The following MEIS2 variants were observed in gnomAD, a reference collection of about 807,000 sequenced individuals.
The protein encoded by MEIS2 is homeobox protein Meis2.
In MEIS2, 9 loss-of-function variants were observed where a neutral mutation model predicts 58.6. The ratio of observed to expected loss-of-function variants is 0.15; its 90% CI spans 0.09 to 0.27. MEIS2 has a LOEUF of 0.27. Ranked by LOEUF, MEIS2 falls within the 10% of genes least tolerant of loss-of-function variation. The pLI is 1.00. For synonymous variants in MEIS2, 221 were observed against 228.4 expected, an observed-to-expected ratio of 0.97 and a Z score of 0.29; for missense variants, 427 against 635.0, an observed-to-expected ratio of 0.67 and a Z score of 3.52.
chr15:36,959,542 T>A (rs2059109750), intron 8 of MEIS2, among the ~76,000 whole-genome samples: 1 of 152,142 alleles, frequency 6.6e-6, no homozygotes, highest in African/African-American at 2.4e-5. Flanking sequence ...CAAAATACTA[T>A]TTTAAAATTA....
intron 8 of MEIS2, among the ~76,000 whole-genome samples, chr15:36,996,275 G>A (rs991850136): frequency 1.8e-4 from 28 of 151,962 alleles, no homozygotes; most frequent in Admixed American, 7.9e-4. Flanking sequence ...GTTGACAAGC[G>A]TCTCAATTCT....
chr15:36,898,290 C>G (rs1000805434), intron 9 of MEIS2: 2 of 152,200 alleles, frequency 1.3e-5, no homozygotes, highest in Non-Finnish European at 2.9e-5. Flanking sequence ...TCTACTCTTT[C>G]CCCACCACTT....
At chr15:37,035,836 C>T (rs1217094371) in intron 8 of MEIS2, among the ~76,000 whole-genome samples, 3 of 152,200 alleles carry the variant, frequency 2.0e-5, no homozygotes, top group Non-Finnish European at 4.4e-5. Flanking sequence ...GTCCTGGACC[C>T]ATGACACTGT....
chr15:37,089,446 A>AAAAC (rs968178990), intron 6 of MEIS2, among the ~76,000 whole-genome samples: 15 of 152,130 alleles, frequency 9.9e-5, no homozygotes, highest in Admixed American at 2.0e-4. Context: ...CCCATTTGAA[A>AAAAC]AAACAAACAA....
At chr15:36,995,719 A>AAAAAC (rs1555446080) in intron 8 of MEIS2, among the ~76,000 whole-genome samples, 5 of 46,554 alleles carry the variant, frequency 1.1e-4, no homozygotes, top group Non-Finnish European at 2.4e-4. Context: ...AAAAAAAAAA[A>AAAAAC]AAAAAAAAAA....
At chr15:37,049,126 A>C (rs574826519) in intron 7 of MEIS2, among the ~76,000 whole-genome samples, 2 of 152,192 alleles carry the variant, frequency 1.3e-5, no homozygotes, top group Non-Finnish European at 2.9e-5. Context: ...TGTTTTTGTA[A>C]TAGAATGCAA....
intron 7 of MEIS2, among the ~76,000 whole-genome samples, chr15:37,068,686 C>T (rs1890283860): frequency 6.6e-6 from 1 of 152,130 alleles, no homozygotes; most frequent in Non-Finnish European, 1.5e-5. Flanking sequence ...ACCATAAAAA[C>T]TAAGCAAATG....
intron 9 of MEIS2, among the ~76,000 whole-genome samples, chr15:36,931,230 A>G (rs1473750293): frequency 1.3e-5 from 2 of 152,220 alleles, no homozygotes; most frequent in Admixed American, 6.5e-5. Context: ...TATAGCAGCA[A>G]ACTCAGTATA....
chr15:36,981,397 C>T (rs898502838), intron 8 of MEIS2, among the ~76,000 whole-genome samples: 1 of 152,012 alleles, frequency 6.6e-6, no homozygotes, highest in African/African-American at 2.4e-5. Context: ...CTGGTACTTA[C>T]ACTTCCAATT....
At chr15:36,960,062 T>C (rs1015806255) in intron 8 of MEIS2, among the ~76,000 whole-genome samples, 1 of 152,150 alleles carries the variant, frequency 6.6e-6, no homozygotes, top group East Asian at 1.9e-4. Context: ...ATTAAGGAAT[T>C]ATTAAGCAAC....
chr15:36,900,947 C>T (rs2056440783), intron 9 of MEIS2: 2 of 152,222 alleles, frequency 1.3e-5, no homozygotes, highest in Admixed American at 1.3e-4. Flanking sequence ...TGGTAACCAA[C>T]TCCTTTTGGA....
intron 8 of MEIS2, among the ~76,000 whole-genome samples, chr15:36,957,597 C>G (rs1343906070): frequency 6.6e-6 from 1 of 152,212 alleles, no homozygotes; most frequent in Non-Finnish European, 1.5e-5. Flanking sequence ...CTTTCCTCCT[C>G]TCTTGTGTTT....
Position 36,892,292 on chromosome 15 carries a change from T to A in MEIS2, c.1315A>T (p.Met439Leu). Reference sequence around the variant, plus strand: ...TGGGTAGGGGGTCCTCCGTGCATCATCATGGCTGGGTGGTGGGGATGGCTT... The same window carrying A: ...TGGGTAGGGGGTCCTCCGTGCATCAACATGGCTGGGTGGTGGGGATGGCTT... ...LPSHPHHPAM[M>L]MHGGPPTHPG... Residue 439 changes from methionine (M) to leucine (L), a missense_variant, in exon 12 of 12, where the codon ATG becomes TTG. Met to Leu is a conservative substitution (Grantham distance 15). This residue lies in a region of MEIS2 where 154 missense variants were observed against 148.1 expected (regional missense o/e 1.04). Coordinates refer to ENST00000561208, the MANE Select transcript of MEIS2 (RefSeq NM_170675.5). The A allele has an allele frequency of 4.3e-6, 7 of 1,613,886 alleles. No homozygotes were observed. The highest frequency in any genetic ancestry group is 5.9e-6 in the Non-Finnish European group (7 of 1,179,942).
intron 8 of MEIS2, among the ~76,000 whole-genome samples, chr15:37,027,487 T>C (rs1294581323): frequency 6.6e-6 from 1 of 152,226 alleles, no homozygotes; most frequent in African/African-American, 2.4e-5. Context: ...TGAATGAATA[T>C]TCAGGGATTT....
At chr15:36,902,120 A>T (rs1430738630) in intron 9 of MEIS2, among the ~76,000 whole-genome samples, 2 of 152,158 alleles carry the variant, frequency 1.3e-5, no homozygotes, top group Admixed American at 6.6e-5. Flanking sequence ...TGTATGCAAG[A>T]TCCTTAGCAC....
At position 36,906,679 on chromosome 15, in the gene MEIS2, A is replaced by G. The variant is rs534112139; in HGVS notation, c.978-9993T>C. 2.8e-3 allele frequency among the ~76,000 whole-genome samples: 419 copies of G among 151,684 alleles called. 3 individuals are homozygous for G. The highest frequency in any genetic ancestry group is 0.018 in the South Asian group (88 of 4,794). On this transcript the variant is annotated intron_variant, in intron 9 of 11. Transcript: ENST00000561208. ...AAAAAAAAAAAAAAAAAACAAGGAC[A>G]AAAGAAGAGCAAAAGGTAGGGACTT... is the stretch of plus-strand genomic sequence containing the variant.
intron 9 of MEIS2, 36 bp downstream of exon 9, chr15:36,950,288 C>G (rs2058710965): frequency 6.6e-7 from 1 of 1,505,278 alleles, no homozygotes; most frequent in Non-Finnish European, 9.1e-7. Context: ...CTCATTTTAG[C>G]CATGGGAGAA....
chr15:36,996,417 AT>A (rs997005446), intron 8 of MEIS2, among the ~76,000 whole-genome samples: 1 of 151,576 alleles, frequency 6.6e-6, no homozygotes, highest in African/African-American at 2.4e-5. Flanking sequence ...CTCCTCCCCT[AT>A]TTTTTTTATC....
intron 8 of MEIS2, among the ~76,000 whole-genome samples, chr15:37,010,612 C>T (rs2061114854): frequency 6.6e-6 from 1 of 152,206 alleles, no homozygotes; most frequent in Non-Finnish European, 1.5e-5. Context: ...CTCCTGGGCT[C>T]AAGCAATCCA....
Sources: gnomAD v4.1 joint callset for allele counts (sites outside exome capture counted in the v4.1 genomes callset) on GRCh38, gnomAD v4.1.1 for gene constraint, gnomAD v4.1.1 regional missense constraint, MANE v1.5 for transcripts, NCBI Gene and HGNC (gene_info 2026-07-23, HGNC 2026-07-21) for gene names.